Variants in CAMTA2 observed in about 807,000 individuals in gnomAD.
CAMTA2 encodes the protein calmodulin binding transcription activator 2.
In CAMTA2, 56 loss-of-function variants were observed where a neutral mutation model predicts 135.7. The ratio of observed to expected loss-of-function variants is 0.41; its 90% CI spans 0.33 to 0.52. The LOEUF is 0.52. Ranked by LOEUF, CAMTA2 falls within the 20% of genes least tolerant of loss-of-function variation. CAMTA2 has a pLI of 0.16. For synonymous variants in CAMTA2, 591 were observed against 604.6 expected (o/e 0.98, Z 0.33); for missense variants, 1,358 against 1,553.4 (o/e 0.87, Z 2.11).
intron 9 of CAMTA2, among the ~76,000 whole-genome samples, chr17:4,979,228 C>T (rs1174414097): frequency 3.3e-5 from 5 of 152,004 alleles, no homozygotes; most frequent in African/African-American, 7.2e-5. Context: ...AAGAGATTGG[C>T]GGCTGGGCAC....
At position 4,969,077 on chromosome 17, in the gene CAMTA2, G is replaced by A; in HGVS notation, c.3470+73C>T. 6.3e-7 allele frequency: 1 copy of A among 1,580,254 alleles called. No individual in the cohort carries two copies. Among genetic ancestry groups the A allele is most frequent in the Non-Finnish European group, 8.6e-7 (1 of 1,156,170 alleles). Reference sequence around the variant, plus strand: ...GCAGGGAATGGCAGTGAGGCATGATGATCAAGAGGATGAGTAAGGGGGAAT... The same window carrying A: ...GCAGGGAATGGCAGTGAGGCATGATAATCAAGAGGATGAGTAAGGGGGAAT... On this transcript the variant is annotated intron_variant, in intron 21 of 22. Transcript: ENST00000348066. This position sits in a 1 kb window ranked among gnomAD's most constrained non-coding sequence, Gnocchi z 5.6.
rs1972177548 is a variant in CAMTA2, at chr17:4,970,105, A to T, written c.3006-20T>A. 1.9e-6 allele frequency: 3 copies of T among 1,610,954 alleles called. No individual in the cohort carries two copies. Among genetic ancestry groups the T allele is most frequent in the Non-Finnish European group, 8.5e-7 (1 of 1,177,978 alleles). On this transcript the variant is annotated intron_variant, in intron 17 of 22. Transcript: ENST00000348066. ...AGTTCGCTGTAGGCGGTAGGGAAAG[A>T]GGGTGTCATGAAGCATCTGAAGTCC... is the stretch of plus-strand genomic sequence containing the variant.
At chr17:4,977,551 G>A (rs556564893) in intron 10 of CAMTA2, among the ~76,000 whole-genome samples, 2 of 152,364 alleles carry the variant, frequency 1.3e-5, no homozygotes, top group African/African-American at 4.8e-5. Context: ...CTGTTACTGA[G>A]ATGGAGGAAA....
At position 4,972,396 on chromosome 17, in the gene CAMTA2, C is replaced by T. The variant is rs201333256; in HGVS notation, c.2644G>A (p.Gly882Ser). ...TCTGGGACACCAGAGGAAAGCTGGCCTGGGGCCATGTCCTCCATAGTCATC... is the reference window on the plus strand; with the variant it reads ...TCTGGGACACCAGAGGAAAGCTGGCTTGGGGCCATGTCCTCCATAGTCATC... ...SEMTMEDMAP[G>S]QLSSGVPEAP... The change falls in exon 16 of 23, where the codon GGC (glycine) becomes AGC (serine). Residue 882 changes from glycine (G) to serine (S), a missense_variant. By Grantham distance (56) the Gly-to-Ser change is moderately conservative (BLOSUM62 0). Around this residue, in one of 4 missense-constraint regions of CAMTA2, gnomAD observed 1,077 missense variants for 1,127.5 expected, o/e 0.96. Coordinates refer to ENST00000348066, the MANE Select transcript of CAMTA2 (RefSeq NM_015099.4). 4.3e-6 allele frequency: 7 copies of T among 1,614,084 alleles called. No individual in the cohort carries two copies. In the Admixed American group the frequency reaches 8.3e-5, roughly 19 times the overall value.
Position 4,980,046 on chromosome 17 carries a change from G to C in CAMTA2, c.1276C>G (p.Arg426Gly), listed in dbSNP as rs781675659. 1.9e-6 allele frequency: 3 copies of C among 1,612,744 alleles called. No homozygotes were observed. In the East Asian group the frequency reaches 6.7e-5, roughly 36 times the overall value. Residue 426 changes from arginine to glycine, a missense_variant, in exon 9 of 23, where the codon CGG becomes GGG. Arg to Gly is a moderately radical substitution (Grantham distance 125, BLOSUM62 -2). Around this residue, in one of 4 missense-constraint regions of CAMTA2, gnomAD observed 1,077 missense variants for 1,127.5 expected, o/e 0.96. Coordinates refer to ENST00000348066, the MANE Select transcript of CAMTA2 (RefSeq NM_015099.4). The surrounding 1 kb of genome is among the most constrained non-coding windows in gnomAD (Gnocchi z 5.3). ...AAALEPQAAARGPPPQSVAGG... is the reference protein window; with the variant it reads ...AAALEPQAAAGGPPPQSVAGG... Reference sequence around the variant, plus strand: ...GCTACTGACTGTGGTGGGGGACCCCGAGCAGCTGCCTGGGGCTCCAGGGCA... The same window carrying C: ...GCTACTGACTGTGGTGGGGGACCCCCAGCAGCTGCCTGGGGCTCCAGGGCA...
intron 3 of CAMTA2, 75 bp downstream of exon 3, chr17:4,985,805 G>A (rs1176424711): frequency 5.6e-6 from 5 of 898,468 alleles, no homozygotes; most frequent in Middle Eastern, 3.2e-4. Flanking sequence ...TGACAGACAC[G>A]GAAAGACCCC....
chr17:4,982,026 T>C, intron 6 of CAMTA2, 63 bp downstream of exon 6: 1 of 1,397,048 alleles, frequency 7.2e-7, no homozygotes, highest in Non-Finnish European at 1.0e-6. Flanking sequence ...ACTTCCTTCT[T>C]TCAGACCCGT....
In CAMTA2 at chr17:4,982,738, G is replaced by A; in HGVS notation, c.339+19C>T. On this transcript the variant is annotated intron_variant, in intron 5 of 22. Coordinates refer to ENST00000348066, the MANE Select transcript of CAMTA2 (RefSeq NM_015099.4). ...GAGGGCAGGCTCGGGAAGATGAGCT[G>A]AATATCTGACTCTCTTACCTCCATG... 6.2e-7 allele frequency: 1 copy of A among 1,613,592 alleles called. No individual in the cohort carries two copies. Among genetic ancestry groups the A allele is most frequent in the Non-Finnish European group, 8.5e-7 (1 of 1,179,720 alleles).
At position 4,969,701 on chromosome 17, in the gene CAMTA2, C is replaced by A; in HGVS notation, c.3190G>T (p.Gly1064Cys). Residue 1064 changes from glycine (G) to cysteine (C), a missense_variant and splice_region_variant, in exon 19 of 23, where the codon GGC becomes TGC. By Grantham distance (159) the Gly-to-Cys change is radical. This residue lies in a region of CAMTA2 where 167 missense variants were observed against 207.0 expected (regional missense o/e 0.81). Coordinates refer to ENST00000348066, the MANE Select transcript of CAMTA2 (RefSeq NM_015099.4). The surrounding 1 kb of genome is among the most constrained non-coding windows in gnomAD (Gnocchi z 5.6). ...TCCTGCTGCTCCTTCAGCCGCCGGC[C>A]CTGAAGGGAGAGAAGTCTCACCACC... ...VIQTAFRKYK[G>C]RRLKEQQEVA... The A allele has an allele frequency of 6.2e-7, 1 of 1,613,758 alleles. No individual in the cohort carries two copies. Among genetic ancestry groups the A allele is most frequent in the Non-Finnish European group, 8.5e-7 (1 of 1,179,994 alleles).
rs776460626 is a variant in CAMTA2, at chr17:4,973,156, A to C, written c.2280+19T>G. On this transcript the variant is annotated intron_variant, in intron 14 of 22. Transcript: ENST00000348066. ...ATTGCTCCCTGCCCCATATGCGCTC[A>C]GGAATCCGTCATCCTCACCAGAGGG... 2.5e-6 allele frequency: 4 copies of C among 1,609,698 alleles called. No individual in the cohort carries two copies. In the South Asian group the frequency reaches 4.4e-5, roughly 18 times the overall value.
At position 4,969,106 on chromosome 17, in the gene CAMTA2, G is replaced by A. The variant is rs1972097818; in HGVS notation, c.3470+44C>T. ...AAGAGGATGAGTAAGGGGGAATGGC[G>A]TGGATGCAGTGGGTGGGCACAGAGG... On this transcript the variant is annotated intron_variant, in intron 21 of 22. Coordinates refer to ENST00000348066, the MANE Select transcript of CAMTA2 (RefSeq NM_015099.4). The surrounding 1 kb of genome is among the most constrained non-coding windows in gnomAD (Gnocchi z 5.6). The A allele has an allele frequency of 6.3e-7, 1 of 1,584,180 alleles. No homozygotes were observed. Among genetic ancestry groups the A allele is most frequent in the Non-Finnish European group, 8.6e-7 (1 of 1,162,284 alleles).
At position 4,968,492 on chromosome 17, in the gene CAMTA2, G is replaced by A; in HGVS notation, c.*264C>T. Reference sequence around the variant, plus strand: ...GGAGCTGGGGAGCAGGGGCAGGCAGGGCTCCGGAGGTCACAGCGGAAGATG... The same window carrying A: ...GGAGCTGGGGAGCAGGGGCAGGCAGAGCTCCGGAGGTCACAGCGGAAGATG... On this transcript the variant is annotated 3_prime_UTR_variant, in exon 23 of 23. Transcript: ENST00000348066. 1 of 569,116 alleles carries A rather than the reference G, an allele frequency of 1.8e-6. No homozygotes were observed. Among genetic ancestry groups the A allele is most frequent in the Non-Finnish European group, 3.1e-6 (1 of 317,884 alleles). 35.3% of individuals were successfully genotyped at this position (569,116 alleles called of 1,614,324 possible).
Position 4,969,180 on chromosome 17 carries a change from C to CGGT in CAMTA2, c.3437_3439dup (p.His1146dup). 1 of 1,610,154 alleles carries CGGT rather than the reference C, an allele frequency of 6.2e-7. No homozygotes were observed. The highest frequency in any genetic ancestry group is 8.5e-7 in the Non-Finnish European group (1 of 1,179,270). ...GCGGGCAGGCAGGGTGGCCGAAGTCCGGTGGGGAGGGCCGGGCCTGCGGCG... is the reference window on the plus strand; with the variant it reads ...GCGGGCAGGCAGGGTGGCCGAAGTCCGGTGGTGGGGAGGGCCGGGCCTGCGGCG... On this transcript the variant is annotated inframe_insertion, in exon 21 of 23. Transcript: ENST00000348066. This position sits in a 1 kb window ranked among gnomAD's most constrained non-coding sequence, Gnocchi z 5.6.
Position 4,986,192 on chromosome 17 carries a change from C to G in CAMTA2, c.31G>C (p.Glu11Gln). 1 of 1,593,404 alleles carries G rather than the reference C, an allele frequency of 6.3e-7. No homozygotes were observed. Among genetic ancestry groups the G allele is most frequent in the Non-Finnish European group, 8.6e-7 (1 of 1,161,182 alleles). MNTKDTTEVA[E>Q]NSHHLKIFLP... Reference sequence around the variant, plus strand: ...TTGGGAACCTGGTTTGTGAACTTACCAGCAACCTCGGTGGTGTCCTTGGTA... The same window carrying G: ...TTGGGAACCTGGTTTGTGAACTTACGAGCAACCTCGGTGGTGTCCTTGGTA... The change falls in exon 2 of 23, where the codon GAA (glutamate) becomes CAA (glutamine). Residue 11 changes from glutamate (E) to glutamine (Q), a missense_variant and splice_region_variant. Physicochemically the swap from Glu to Gln is conservative, Grantham distance 29. This residue lies in a region of CAMTA2 where 105 missense variants were observed against 190.9 expected (regional missense o/e 0.55). Transcript: ENST00000348066.
At chr17:4,986,933 T>C in intron 1 of CAMTA2, 2 of 1,520,228 alleles carry the variant, frequency 1.3e-6, no homozygotes, top group Non-Finnish European at 1.8e-6. Flanking sequence ...CTGCCTCCCC[T>C]GGCCTCCAGG....
intron 16 of CAMTA2, among the ~76,000 whole-genome samples, chr17:4,970,991 C>T (rs955081126): frequency 2.6e-5 from 4 of 152,242 alleles, no homozygotes; most frequent in African/African-American, 9.6e-5. Flanking sequence ...GAAGCCTATA[C>T]TCCAGCACTT....
intron 16 of CAMTA2, among the ~76,000 whole-genome samples, chr17:4,971,345 G>T (rs2151162250): frequency 6.6e-6 from 1 of 152,212 alleles, no homozygotes; most frequent in African/African-American, 2.4e-5. Context: ...TCTAACTGAA[G>T]ATATTCCCTA....
rs1232722441 is a variant in CAMTA2, at chr17:4,968,003, A to G, written c.*753T>C. 1.2e-5 allele frequency: 7 copies of G among 585,906 alleles called. No homozygotes were observed. Among genetic ancestry groups the G allele is most frequent in the Non-Finnish European group, 2.1e-5 (7 of 328,236 alleles). 36.3% of individuals were successfully genotyped at this position (585,906 alleles called of 1,614,324 possible). Reference sequence around the variant, plus strand: ...ACAGAGGCCGGAGGCTGGCTGGTGCAGCGATGTTTAATGGCAATTCGTATA... The same window carrying G: ...ACAGAGGCCGGAGGCTGGCTGGTGCGGCGATGTTTAATGGCAATTCGTATA... On this transcript the variant is annotated 3_prime_UTR_variant, in exon 23 of 23. Transcript: ENST00000348066.
At chr17:4,977,672 G>T (rs1972696729) in intron 10 of CAMTA2, among the ~76,000 whole-genome samples, 1 of 152,178 alleles carries the variant, frequency 6.6e-6, no homozygotes, top group African/African-American at 2.4e-5. Context: ...CAGATTCTCT[G>T]GTCTCATCCC....
Sources: allele counts gnomAD v4.1 joint callset (sites outside exome capture counted in the v4.1 genomes callset), GRCh38; gene constraint gnomAD v4.1.1; regional missense constraint gnomAD v4.1.1; non-coding constraint Gnocchi (gnomAD v3.1); transcripts MANE v1.5; gene names NCBI Gene and HGNC (gene_info 2026-07-23, HGNC 2026-07-21).